GULP1: variants seen among roughly 807,000 people sequenced by gnomAD.
GULP1 encodes PTB domain-containing engulfment adapter protein 1.
In GULP1, 19 loss-of-function variants were observed where a neutral mutation model predicts 40.9. The observed-to-expected ratio is 0.46, with a 90% CI of 0.32 to 0.68. GULP1 has a LOEUF of 0.68. GULP1 is among the 30% of genes least tolerant of loss of function. The probability of loss-of-function intolerance (pLI) is 0.03; values close to 1 mark genes in which losing one functional copy is unlikely to be tolerated. For missense variants in GULP1, 312 were observed against 362.2 expected (o/e 0.86, Z 1.12); for synonymous variants, 119 against 117.6 (o/e 1.01, Z -0.08).
At chr2:188,538,879 C>T (rs1406548159) in intron 6 of GULP1, among the ~76,000 whole-genome samples, 5 of 151,890 alleles carry the variant, frequency 3.3e-5, no homozygotes, top group Admixed American at 6.6e-5. Context: ...TAGAAAAAAA[C>T]AAATGTGATA....
intron 1 of GULP1, among the ~76,000 whole-genome samples, chr2:188,320,475 G>C (rs1038780453): frequency 1.3e-5 from 2 of 152,106 alleles, no homozygotes. Flanking sequence ...ACATATCTCT[G>C]TGAGTATCAG....
intron 1 of GULP1, among the ~76,000 whole-genome samples, chr2:188,320,962 G>A (rs1574392222): frequency 6.6e-6 from 1 of 150,522 alleles, no homozygotes; most frequent in African/African-American, 2.4e-5. Flanking sequence ...CTGTCCTTCA[G>A]AGTGAAATGT....
chr2:188,514,658 A>T (rs1362308199), intron 4 of GULP1, among the ~76,000 whole-genome samples: 1 of 152,132 alleles, frequency 6.6e-6, no homozygotes, highest in Non-Finnish European at 1.5e-5. Flanking sequence ...GTTTTCTCAC[A>T]TGGAGGAATT....
intron 2 of GULP1, among the ~76,000 whole-genome samples, chr2:188,391,183 A>T (rs2050471922): frequency 6.6e-6 from 1 of 151,998 alleles, no homozygotes; most frequent in Non-Finnish European, 1.5e-5. Flanking sequence ...TTGAATCTGT[A>T]AATTGCCTTG....
At chr2:188,589,992 G>A (rs1703198693) in intron 11 of GULP1, 2 of 239,982 alleles carry the variant, frequency 8.3e-6, no homozygotes, top group East Asian at 1.5e-4. Flanking sequence ...TTTTGAGGCA[G>A]AGTCTCACTC....
intron 1 of GULP1, among the ~76,000 whole-genome samples, chr2:188,321,787 C>A (rs1004594680): frequency 6.6e-6 from 1 of 151,816 alleles, no homozygotes; most frequent in South Asian, 2.1e-4. Flanking sequence ...GAGTCAGAGG[C>A]GGGCAGATCA....
rs1002950210 is a variant in GULP1 at position 188,530,674 on chromosome 2, A to G, written c.261+1479A>G. ...GAGAGGCCCCAGAGAAACCAAACCTACCGACACCTTGATCTTAGACTTCTA... is the reference window on the plus strand; with the variant it reads ...GAGAGGCCCCAGAGAAACCAAACCTGCCGACACCTTGATCTTAGACTTCTA... On this transcript the variant is annotated intron_variant, in intron 6 of 11. Coordinates refer to ENST00000409830, the MANE Select transcript of GULP1 (RefSeq NM_016315.4). 2.0e-5 allele frequency among the ~76,000 whole-genome samples: 3 copies of G among 152,136 alleles called. No homozygotes were observed. In the East Asian group the frequency reaches 5.8e-4, roughly 29 times the overall value.
intron 1 of GULP1, among the ~76,000 whole-genome samples, chr2:188,332,372 T>G (rs1289113592): frequency 1.3e-5 from 2 of 152,080 alleles, no homozygotes; most frequent in Admixed American, 6.6e-5. Context: ...GTATTTTTAG[T>G]AGAGACGAGG....
chr2:188,457,418 A>T (rs1204263444), intron 2 of GULP1, among the ~76,000 whole-genome samples: 1 of 152,074 alleles, frequency 6.6e-6, no homozygotes, highest in Non-Finnish European at 1.5e-5. Context: ...GTCTCACAAG[A>T]TCTGATGGTT....
rs761488159 is a variant in GULP1 at position 188,569,198 on chromosome 2, CAT to C, written c.400-38_400-37del. 2.2e-5 allele frequency: 21 copies of C among 975,310 alleles called. No homozygotes were observed. The African/African-American group carries it at 3.4e-4, about 16-fold the overall frequency. The allele number at this position is 975,310 out of a possible 1,614,324, so 60.4% of individuals were successfully genotyped here. ...TTTTCTCGATTCAAAAACAGTTTGA[CAT>C]ATTATTAAAATGCAAATCTTTGTTT... On this transcript the variant is annotated intron_variant, in intron 7 of 11. Transcript: ENST00000409830.
At chr2:188,408,701 C>G (rs191965185) in intron 2 of GULP1, among the ~76,000 whole-genome samples, 92 of 152,256 alleles carry the variant, frequency 6.0e-4, no homozygotes, top group African/African-American at 2.1e-3. Context: ...TTCTATCAAA[C>G]AGCATCAGCA....
intron 4 of GULP1, among the ~76,000 whole-genome samples, chr2:188,497,809 T>C (rs1261567679): frequency 6.6e-6 from 1 of 151,914 alleles, no homozygotes; most frequent in African/African-American, 2.4e-5. Context: ...GAAAATGTTA[T>C]GGTATACAAA....
At chr2:188,393,561 C>A (rs1349852672) in intron 2 of GULP1, among the ~76,000 whole-genome samples, 1 of 151,904 alleles carries the variant, frequency 6.6e-6, no homozygotes, top group Non-Finnish European at 1.5e-5. Flanking sequence ...AACATTAAGG[C>A]CATTTATGTT....
chr2:188,460,704 A>G (rs1325776861), intron 2 of GULP1, among the ~76,000 whole-genome samples: 2 of 152,176 alleles, frequency 1.3e-5, no homozygotes, highest in African/African-American at 4.8e-5. Flanking sequence ...AACAGTGGTG[A>G]AAGTGTGCAT....
intron 2 of GULP1, among the ~76,000 whole-genome samples, chr2:188,476,277 G>A (rs992380129): frequency 6.6e-6 from 1 of 152,156 alleles, no homozygotes; most frequent in Non-Finnish European, 1.5e-5. Context: ...GTGGTGGTGA[G>A]ACTTTGAGAC....
chr2:188,353,346 C>T (rs1046168622), intron 1 of GULP1, among the ~76,000 whole-genome samples: 15 of 152,032 alleles, frequency 9.9e-5, no homozygotes, highest in Non-Finnish European at 7.4e-5. Flanking sequence ...TTTAACCTTA[C>T]GACTGAACAA....
In GULP1 at chr2:188,569,283, A is replaced by C. The variant is rs549913208; in HGVS notation, c.444A>C (p.Ala148=). The change falls in exon 8 of 12, where the codon GCA becomes GCC. Residue 148 remains alanine (A), a synonymous_variant. Coordinates refer to ENST00000409830, the MANE Select transcript of GULP1 (RefSeq NM_016315.4). The part of the protein sequence containing the change: ...TLTIGQAFDL[A]YRKFLESGGK... Reference sequence around the variant, plus strand: ...CAATTGGCCAAGCATTTGACCTGGCATACAGGAAATTTCTAGAATCAGGAG... The same window carrying C: ...CAATTGGCCAAGCATTTGACCTGGCCTACAGGAAATTTCTAGAATCAGGAG... The C allele has an allele frequency of 1.9e-6, 3 of 1,604,070 alleles. No homozygotes were observed. The highest frequency in any genetic ancestry group is 2.2e-5 in the East Asian group (1 of 44,792).
chr2:188,488,286 A>G (rs189963444), intron 4 of GULP1, among the ~76,000 whole-genome samples: 4 of 152,154 alleles, frequency 2.6e-5, no homozygotes, highest in East Asian at 1.9e-4. Context: ...TTCTGGGTCA[A>G]ACTATTTGGG....
chr2:188,447,433 G>GT (rs1041913287), intron 2 of GULP1, among the ~76,000 whole-genome samples: 1 of 152,028 alleles, frequency 6.6e-6, no homozygotes, highest in African/African-American at 2.4e-5. Context: ...GGCCTTATAA[G>GT]TTTTTTTATT....
Sources: gnomAD v4.1 joint callset for allele counts (sites outside exome capture counted in the v4.1 genomes callset) on GRCh38, gnomAD v4.1.1 for gene constraint, MANE v1.5 for transcripts, NCBI Gene and HGNC (gene_info 2026-07-23, HGNC 2026-07-21) for gene names.